The following KIF13B variants were observed in gnomAD, a reference collection of about 807,000 sequenced individuals.
The protein encoded by KIF13B is kinesin family member 13B, also known as kinesin-like protein KIF13B.
Under a neutral mutation model 222.0 loss-of-function variants are expected in KIF13B, and 127 were observed. The ratio of observed to expected loss-of-function variants is 0.57; its 90% CI spans 0.50 to 0.66. KIF13B has a LOEUF of 0.66. Ranked by LOEUF, KIF13B falls within the 30% of genes least tolerant of loss-of-function variation. The pLI, the probability that KIF13B is intolerant of heterozygous loss-of-function variation, is 0.00. For synonymous variants in KIF13B, 976 were observed against 919.0 expected, an observed-to-expected ratio of 1.06 and a Z score of -1.12; for missense variants, 2,173 against 2,379.0, an observed-to-expected ratio of 0.91 and a Z score of 1.80.
chr8:29,178,427 A>G (rs1812572500), intron 8 of KIF13B, among the ~76,000 whole-genome samples: 1 of 152,156 alleles, frequency 6.6e-6, no homozygotes, highest in African/African-American at 2.4e-5. Context: ...TATTATATAC[A>G]TACAGATACA....
At position 29,140,524 on chromosome 8, in the gene KIF13B, G is replaced by A. The variant is rs778837454; in HGVS notation, c.2428C>T (p.Leu810Phe). ...IGVANVFLES[L>F]FYDVKLQYAV... Reference sequence around the variant, plus strand: ...TATTGTAACTTCACATCATAGAAAAGTGACTCGAGGAAGACATTGGCCACC... The same window carrying A: ...TATTGTAACTTCACATCATAGAAAAATGACTCGAGGAAGACATTGGCCACC... The change falls in exon 20 of 40, where the codon CTT (leucine) becomes TTT (phenylalanine). Residue 810 changes from leucine (L) to phenylalanine (F), a missense_variant. By Grantham distance (22) the Leu-to-Phe change is conservative. Coordinates refer to ENST00000524189, the MANE Select transcript of KIF13B (RefSeq NM_015254.4). 1.2e-6 allele frequency: 2 copies of A among 1,613,898 alleles called. No individual in the cohort carries two copies. The highest frequency in any genetic ancestry group is 1.7e-6 in the Non-Finnish European group (2 of 1,179,838).
intron 21 of KIF13B, among the ~76,000 whole-genome samples, chr8:29,135,667 C>T (rs926140204): frequency 2.0e-5 from 3 of 152,042 alleles, no homozygotes; most frequent in South Asian, 4.2e-4. Flanking sequence ...TTTGGGAGGC[C>T]GAGGATCACT....
At position 29,127,195 on chromosome 8, in the gene KIF13B, C is replaced by T. The variant is rs1241710070; in HGVS notation, c.3149G>A (p.Cys1050Tyr). 10 of 1,613,846 alleles carry T rather than the reference C, an allele frequency of 6.2e-6. No individual in the cohort carries two copies. The highest frequency in any genetic ancestry group is 4.0e-5 in the African/African-American group (3 of 74,922). Residue 1050 changes from cysteine to tyrosine, a missense_variant, in exon 25 of 40, where the codon TGT becomes TAT. Coordinates refer to ENST00000524189, the MANE Select transcript of KIF13B (RefSeq NM_015254.4). ...ACATCCAATGCCAACAGACAGTATACATTCTTCCATCAGTGGTAAAGTCCC... is the reference window on the plus strand; with the variant it reads ...ACATCCAATGCCAACAGACAGTATATATTCTTCCATCAGTGGTAAAGTCCC... ...ESGTLPLMEE[C>Y]ILSVGIGCVK...
At chr8:29,132,110 G>A (rs555950231) in intron 23 of KIF13B, among the ~76,000 whole-genome samples, 198 bp downstream of exon 23, 2 of 152,266 alleles carry the variant, frequency 1.3e-5, no homozygotes, top group South Asian at 4.1e-4. Flanking sequence ...AGCCAGGCGT[G>A]GTGTGCATGC....
Position 29,072,221 on chromosome 8 carries a change from C to T in KIF13B, c.4617G>A (p.Pro1539=), listed in dbSNP as rs775027769. ...CDKPAKVPSP[P]PVIAVTAVTP... ...TGACCGCTGTGACAGCTATGACAGG[C>T]GGTGGGGAAGGCACTTTGGCAGGTT... The change falls in exon 39 of 40, where the codon CCG becomes CCA. Residue 1539 remains proline (P), a synonymous_variant. Transcript: ENST00000524189. 6 of 1,467,736 alleles carry T rather than the reference C, an allele frequency of 4.1e-6. No individual in the cohort carries two copies. In the South Asian group the frequency reaches 4.4e-5, roughly 11 times the overall value. The allele number at this position is 1,467,736 out of a possible 1,614,324, so 90.9% of individuals were successfully genotyped here.
intron 12 of KIF13B, among the ~76,000 whole-genome samples, chr8:29,163,610 T>G (rs1195193261): frequency 6.6e-6 from 1 of 152,184 alleles, no homozygotes; most frequent in Non-Finnish European, 1.5e-5. Flanking sequence ...GATATCAGTT[T>G]GGATTAGGAA....
chr8:29,103,507 T>G lies in KIF13B; in HGVS notation c.4216-4266A>C, dbSNP rs562211690. On this transcript the variant is annotated intron_variant, in intron 35 of 39. Coordinates refer to ENST00000524189, the MANE Select transcript of KIF13B (RefSeq NM_015254.4). ...CGATAGCAATAAATAGAAACACTAC[T>G]TCCATCAGGGATCATATTTTATATT... 8.5e-5 allele frequency among the ~76,000 whole-genome samples: 13 copies of G among 152,282 alleles called. No individual in the cohort carries two copies. The South Asian group carries it at 2.7e-3, about 32-fold the overall frequency.
At chr8:29,211,555 A>G (rs1286940558) in intron 2 of KIF13B, among the ~76,000 whole-genome samples, 1 of 152,138 alleles carries the variant, frequency 6.6e-6, no homozygotes, top group Non-Finnish European at 1.5e-5. Flanking sequence ...CAGAGGGAGA[A>G]CTCCAGGAAT....
chr8:29,206,859 TG>T (rs35713569), intron 2 of KIF13B, among the ~76,000 whole-genome samples: 7,160 of 152,072 alleles, frequency 0.047, 358 homozygotes, highest in African/African-American at 0.12. Flanking sequence ...GAAGTGGAAG[TG>T]GGGTGGAAAT....
chr8:29,184,671 G>A (rs1242205971), intron 6 of KIF13B, among the ~76,000 whole-genome samples: 1 of 152,082 alleles, frequency 6.6e-6, no homozygotes, highest in Non-Finnish European at 1.5e-5. Flanking sequence ...GACAAACATA[G>A]GAGAAATTAC....
intron 31 of KIF13B, among the ~76,000 whole-genome samples, chr8:29,115,010 C>A (rs1809528897): frequency 6.6e-6 from 1 of 152,190 alleles, no homozygotes; most frequent in African/African-American, 2.4e-5. Context: ...CTATAGCTAA[C>A]CCCGTGACCT....
chr8:29,075,577 C>A (rs1467159664), intron 37 of KIF13B, among the ~76,000 whole-genome samples: 3 of 152,220 alleles, frequency 2.0e-5, no homozygotes, highest in African/African-American at 7.2e-5. Flanking sequence ...GGTGCACTTA[C>A]ACACACGACG....
At chr8:29,168,096 G>A (rs1166521012) in intron 10 of KIF13B, among the ~76,000 whole-genome samples, 5 of 152,088 alleles carry the variant, frequency 3.3e-5, no homozygotes, top group African/African-American at 1.2e-4. Context: ...AAAACATAAG[G>A]TACAATTATA....
intron 36 of KIF13B, among the ~76,000 whole-genome samples, chr8:29,096,403 A>T (rs978005282): frequency 2.7e-5 from 4 of 150,214 alleles, no homozygotes; most frequent in African/African-American, 9.8e-5. Flanking sequence ...AGGTTCAGGT[A>T]ATTCTCCCAC....
chr8:29,111,659 T>A (rs547971675), intron 32 of KIF13B, among the ~76,000 whole-genome samples: 15 of 152,248 alleles, frequency 9.9e-5, no homozygotes, highest in African/African-American at 2.2e-4. Context: ...GCACTTTTTT[T>A]AAAAGGCATA....
chr8:29,080,035 A>G (rs1807730814), intron 37 of KIF13B, among the ~76,000 whole-genome samples: 1 of 152,184 alleles, frequency 6.6e-6, no homozygotes, highest in Admixed American at 6.5e-5. Context: ...GATAAAAGTA[A>G]CATACAATGG....
At chr8:29,186,555 C>T in intron 5 of KIF13B, 83 bp from the exon 6 acceptor site, 1 of 1,127,696 alleles carries the variant, frequency 8.9e-7, no homozygotes, top group Non-Finnish European at 1.2e-6. Flanking sequence ...ATAATAAACA[C>T]TTGGCAAAAC....
chr8:29,126,987 A>G, intron 25 of KIF13B, 135 bp downstream of exon 25: 1 of 851,138 alleles, frequency 1.2e-6, no homozygotes. Flanking sequence ...TGCAAGACAC[A>G]AAAAAAGACA....
intron 2 of KIF13B, among the ~76,000 whole-genome samples, chr8:29,241,686 C>T (rs1056857747): frequency 3.4e-5 from 5 of 147,574 alleles, no homozygotes; most frequent in South Asian, 2.2e-4. Context: ...TTCATCACCA[C>T]GCACCCGCAG....
Sources: allele counts gnomAD v4.1 joint callset (sites outside exome capture counted in the v4.1 genomes callset), GRCh38; gene constraint gnomAD v4.1.1; transcripts MANE v1.5; gene names NCBI Gene and HGNC (gene_info 2026-07-23, HGNC 2026-07-21).